The following INSR variants were observed in gnomAD, a reference collection of about 807,000 sequenced individuals.
INSR encodes insulin receptor.
INSR carries 67 observed loss-of-function variants against 142.6 expected under a neutral mutation model. The ratio of observed to expected loss-of-function variants is 0.47; its 90% CI spans 0.39 to 0.58. The LOEUF (loss-of-function observed/expected upper bound fraction) is 0.58. Among genes scored for constraint, INSR ranks in the 20% least tolerant of loss-of-function variants. The probability of loss-of-function intolerance (pLI) is 0.00; values close to 1 mark genes in which losing one functional copy is unlikely to be tolerated. For missense variants in INSR, 1,248 were observed against 1,833.2 expected (o/e 0.68, Z 5.83); for synonymous variants, 756 against 743.1 (o/e 1.02, Z -0.28).
intron 2 of INSR, among the ~76,000 whole-genome samples, chr19:7,239,766 A>G (rs999344809): frequency 6.6e-6 from 1 of 152,242 alleles, no homozygotes; most frequent in Non-Finnish European, 1.5e-5. Flanking sequence ...AGCACTTAAA[A>G]GAATGAACTA....
intron 11 of INSR, among the ~76,000 whole-genome samples, chr19:7,149,592 C>T (rs375554119): frequency 6.6e-6 from 1 of 152,088 alleles, no homozygotes; most frequent in Non-Finnish European, 1.5e-5. Flanking sequence ...GAGGCCGAGG[C>T]GGGCGGATCG....
intron 2 of INSR, among the ~76,000 whole-genome samples, chr19:7,194,661 C>T (rs1297687224): frequency 6.8e-6 from 1 of 146,278 alleles, no homozygotes; most frequent in Non-Finnish European, 1.5e-5. Flanking sequence ...TACAGGCACA[C>T]GCCACCACAC....
In INSR at chr19:7,162,680, C is replaced by T. The variant is rs556022695; in HGVS notation, c.2029+352G>A. Among the ~76,000 whole-genome samples the T allele has an allele frequency of 1.2e-3, 175 of 150,540 alleles. 1 individual carries two copies. Among genetic ancestry groups the T allele is most frequent in the South Asian group, 4.6e-3 (22 of 4,748 alleles). Reference sequence around the variant, plus strand: ...TACTAAAAATACCAAATTAGCCGGGCGTGGTGGCGCGTGCCTGTAATCCCA... The same window carrying T: ...TACTAAAAATACCAAATTAGCCGGGTGTGGTGGCGCGTGCCTGTAATCCCA... On this transcript the variant is annotated intron_variant, in intron 9 of 21. Transcript: ENST00000302850.
intron 2 of INSR, among the ~76,000 whole-genome samples, chr19:7,217,745 G>A (rs1482164927): frequency 6.6e-6 from 1 of 152,156 alleles, no homozygotes; most frequent in African/African-American, 2.4e-5. Context: ...ATTTTTAGTA[G>A]AGACGGGGTT....
At position 7,119,638 on chromosome 19, in the gene INSR, ACGCGCGCGCG is replaced by A. The variant is rs150182633; in HGVS notation, c.3660-65_3660-56del. 1 of 1,567,664 alleles carries A rather than the reference ACGCGCGCGCG, an allele frequency of 6.4e-7. No individual in the cohort carries two copies. Among genetic ancestry groups the A allele is most frequent in the Non-Finnish European group, 8.7e-7 (1 of 1,146,232 alleles). Reference sequence around the variant, plus strand: ...AGAAGCCATTTAGACACACACACACACGCGCGCGCGCAAACACACACACGCAAACGCACAC... The same window carrying A: ...AGAAGCCATTTAGACACACACACACACAAACACACACACGCAAACGCACAC... On this transcript the variant is annotated intron_variant, in intron 20 of 21. Coordinates refer to ENST00000302850, the MANE Select transcript of INSR (RefSeq NM_000208.4). This position sits in a 1 kb window ranked among gnomAD's most constrained non-coding sequence, Gnocchi z 5.2.
intron 2 of INSR, among the ~76,000 whole-genome samples, chr19:7,247,503 G>A (rs1052770234): frequency 2.0e-5 from 3 of 152,104 alleles, no homozygotes; most frequent in Non-Finnish European, 2.9e-5. Context: ...ACTCTCAAGG[G>A]GTGGAGAGGT....
At chr19:7,219,992 C>G (rs1423605662) in intron 2 of INSR, among the ~76,000 whole-genome samples, 1 of 152,190 alleles carries the variant, frequency 6.6e-6, no homozygotes, top group Non-Finnish European at 1.5e-5. Context: ...ATGCCCACCC[C>G]TGAACCAATC....
chr19:7,117,140 G>C lies in INSR; in HGVS notation c.4065C>G (p.Tyr1355Ter), dbSNP rs140573377. Reference protein sequence around the residue: ...GGSSLGFKRSYEEHIPYTHMN... With the variant: ...GGSSLGFKRS ...TGTGTGTGTAAGGGATGTGTTCCTC[G>C]TAGCTCCGCTTGAAACCCAGCGAGG... Residue 1355 changes from tyrosine to a stop codon, truncating the protein, a stop_gained, in exon 22 of 22, where the codon TAC (tyrosine) becomes TAG (stop). Coordinates refer to ENST00000302850, the MANE Select transcript of INSR (RefSeq NM_000208.4). LOFTEE classifies it high-confidence loss of function. 1.9e-6 allele frequency: 3 copies of C among 1,614,044 alleles called. No homozygotes were observed. The highest frequency in any genetic ancestry group is 2.5e-6 in the Non-Finnish European group (3 of 1,179,994).
chr19:7,276,730 T>C (rs927788706), intron 1 of INSR, among the ~76,000 whole-genome samples: 1 of 151,900 alleles, frequency 6.6e-6, no homozygotes, highest in Non-Finnish European at 1.5e-5. Context: ...TATTTATTCA[T>C]TTATTTATTT....
intron 13 of INSR, among the ~76,000 whole-genome samples, chr19:7,138,312 A>C (rs1254812205): frequency 1.3e-5 from 2 of 152,094 alleles, no homozygotes; most frequent in African/African-American, 2.4e-5. Flanking sequence ...CAAACGAACT[A>C]AACTCCAGAG....
chr19:7,212,725 ACAGG>A (rs1354252184), intron 2 of INSR, among the ~76,000 whole-genome samples: 2 of 152,082 alleles, frequency 1.3e-5, no homozygotes, highest in Non-Finnish European at 2.9e-5. Flanking sequence ...AGTTGGGACT[ACAGG>A]CACCCACCCC....
chr19:7,263,093 C>T (rs1433564890), intron 2 of INSR, among the ~76,000 whole-genome samples: 2 of 152,104 alleles, frequency 1.3e-5, no homozygotes, highest in East Asian at 3.9e-4. Context: ...TCCTGGCCAA[C>T]ATGGCAAAGC....
chr19:7,285,002 G>A (rs967718457), intron 1 of INSR, among the ~76,000 whole-genome samples: 1 of 152,128 alleles, frequency 6.6e-6, no homozygotes, highest in Non-Finnish European at 1.5e-5. Context: ...ACATTTGAGT[G>A]AGTAGGTGAA....
chr19:7,186,167 C>A (rs1974426589), intron 2 of INSR, among the ~76,000 whole-genome samples: 1 of 152,090 alleles, frequency 6.6e-6, no homozygotes, highest in African/African-American at 2.4e-5. Context: ...TGCACTCCAG[C>A]CTTGGTGACA....
chr19:7,186,143 C>T (rs190113095), intron 2 of INSR, among the ~76,000 whole-genome samples: 54 of 152,090 alleles, frequency 3.6e-4, no homozygotes, highest in Admixed American at 1.6e-3. Flanking sequence ...TGCAGGGAGC[C>T]GAGATCATGC....
Position 7,166,135 on chromosome 19 carries a change from A to G in INSR, c.1861+19T>C, listed in dbSNP as rs558301955. ...AGGTCTGATTCACATACGAATTCAC[A>G]TTCCCAAGACACACTCACTGGTGGC... On this transcript the variant is annotated intron_variant, in intron 8 of 21. Coordinates refer to ENST00000302850, the MANE Select transcript of INSR (RefSeq NM_000208.4). The surrounding 1 kb of genome is among the most constrained non-coding windows in gnomAD (Gnocchi z 4.1). The G allele has an allele frequency of 5.6e-6, 9 of 1,613,848 alleles. No homozygotes were observed. The highest frequency in any genetic ancestry group is 5.3e-5 in the African/African-American group (4 of 74,862).
At chr19:7,211,780 CAG>C (rs35616329) in intron 2 of INSR, among the ~76,000 whole-genome samples, 1,711 of 152,290 alleles carry the variant, frequency 0.011, 43 homozygotes, top group African/African-American at 0.039. Context: ...CAACGCTTAT[CAG>C]GGGAGATACC....
At chr19:7,255,878 C>T in intron 2 of INSR, among the ~76,000 whole-genome samples, 1 of 151,980 alleles carries the variant, frequency 6.6e-6, no homozygotes, top group East Asian at 1.9e-4. Context: ...CACACCCAAC[C>T]TCATCTTCTT....
chr19:7,189,546 AT>A (rs1165607269), intron 2 of INSR, among the ~76,000 whole-genome samples: 1 of 152,210 alleles, frequency 6.6e-6, no homozygotes, highest in African/African-American at 2.4e-5. Context: ...CCACAGACAT[AT>A]GTACATGAAG....
Sources: gnomAD v4.1 joint callset for allele counts (sites outside exome capture counted in the v4.1 genomes callset) on GRCh38, gnomAD v4.1.1 for gene constraint, Gnocchi (gnomAD v3.1) non-coding constraint, MANE v1.5 for transcripts, NCBI Gene and HGNC (gene_info 2026-07-23, HGNC 2026-07-21) for gene names.